KCNJ18: variants seen among roughly 807,000 people sequenced by gnomAD.
KCNJ18 encodes potassium inwardly rectifying channel subfamily J member 18, also known as inward rectifier potassium channel 18.
KCNJ18 carries 16 observed loss-of-function variants against 17.3 expected under a neutral mutation model. The ratio of observed to expected loss-of-function variants is 0.92; its 90% CI spans 0.62 to 1.40. The LOEUF (loss-of-function observed/expected upper bound fraction) is 1.40, where lower values mean the gene tolerates loss of function less well. KCNJ18 is among the 40% of genes most tolerant of loss of function. KCNJ18 has a pLI of 0.00. For missense variants in KCNJ18, 462 were observed against 626.8 expected, an observed-to-expected ratio of 0.74 and a Z score of 2.81; for synonymous variants, 185 against 262.6, an observed-to-expected ratio of 0.70 and a Z score of 2.86.
intron 1 of KCNJ18, among the ~76,000 whole-genome samples, chr17:21,693,172 G>T (rs1275717172): frequency 6.6e-6 from 1 of 152,302 alleles, no homozygotes; most frequent in African/African-American, 2.4e-5. Flanking sequence ...GGCTGCTGTG[G>T]CCCCTGCAGG....
chr17:21,695,473 C>A (rs1286023301), intron 1 of KCNJ18, among the ~76,000 whole-genome samples: 1 of 152,300 alleles, frequency 6.6e-6, no homozygotes, highest in African/African-American at 2.4e-5. Flanking sequence ...ATCCATCCAT[C>A]CATCCATCCA....
intron 2 of KCNJ18, among the ~76,000 whole-genome samples, chr17:21,696,875 A>T (rs1222696490): frequency 2.0e-5 from 3 of 152,176 alleles, no homozygotes; most frequent in Admixed American, 2.0e-4. Context: ...AAGGCCCAGG[A>T]GACAAAGGTT....
intron 2 of KCNJ18, among the ~76,000 whole-genome samples, chr17:21,701,469 G>A (rs1905947666): frequency 6.6e-6 from 1 of 152,232 alleles, no homozygotes; most frequent in South Asian, 2.1e-4. Context: ...CCATGTCTGG[G>A]TGCCAGATCT....
chr17:21,702,759 G>T lies in KCNJ18; in HGVS notation c.-28G>T. 6.4e-7 allele frequency: 1 copy of T among 1,557,616 alleles called. No individual in the cohort carries two copies. The highest frequency in any genetic ancestry group is 8.6e-7 in the Non-Finnish European group (1 of 1,159,452). On this transcript the variant is annotated 5_prime_UTR_variant, in exon 3 of 3. Transcript: ENST00000567955. ...CCGCCCTGCCTGGAGCTAGCCTGGG[G>T]GTGAGCCAGGGTCCCCCAACCCCCG...
intron 2 of KCNJ18, among the ~76,000 whole-genome samples, chr17:21,697,187 C>T (rs1267892715): frequency 2.0e-5 from 3 of 152,304 alleles, no homozygotes; most frequent in Non-Finnish European, 4.4e-5. Flanking sequence ...GACACTGGTT[C>T]GTGTAGGAAT....
chr17:21,696,663 G>A (rs1905767508), intron 2 of KCNJ18, among the ~76,000 whole-genome samples: 1 of 152,206 alleles, frequency 6.6e-6, no homozygotes, highest in African/African-American at 2.4e-5. Context: ...GGCCTGAATG[G>A]GAAAAGCCCA....
In KCNJ18 at chr17:21,703,649, T is replaced by G; in HGVS notation, c.863T>G (p.Leu288Arg). ...CTCTTCGGCATCAGCCGGCAGGACC[T>G]GGAGACGGACGACTTTGAGATCGTG... ...SPLFGISRQD[L>R]ETDDFEIVVI... Residue 288 changes from leucine to arginine, a missense_variant, in exon 3 of 3, where the codon CTG becomes CGG. Leu to Arg is a moderately radical substitution (Grantham distance 102). Transcript: ENST00000567955. The G allele has an allele frequency of 1.9e-6, 3 of 1,607,368 alleles. No individual in the cohort carries two copies. Among genetic ancestry groups the G allele is most frequent in the Non-Finnish European group, 2.6e-6 (3 of 1,175,538 alleles).
At chr17:21,701,555 G>C (rs1167398220) in intron 2 of KCNJ18, among the ~76,000 whole-genome samples, 2 of 152,192 alleles carry the variant, frequency 1.3e-5, no homozygotes, top group African/African-American at 2.4e-5. Flanking sequence ...GTGGGACCCA[G>C]CTTGGGGTGT....
chr17:21,702,734 C>T lies in KCNJ18; in HGVS notation c.-53C>T. 1.3e-6 allele frequency: 2 copies of T among 1,528,818 alleles called. No individual in the cohort carries two copies. The highest frequency in any genetic ancestry group is 1.2e-5 in the South Asian group (1 of 84,042). The allele number at this position is 1,528,818 out of a possible 1,614,324, so 94.7% of individuals were successfully genotyped here. A position where few individuals can be genotyped will look rare whatever the true frequency, so the allele number is the denominator to read the frequency against. ...CATGCTGTCCTCTCTGTTCCAGGAG[C>T]CGCCCTGCCTGGAGCTAGCCTGGGG... On this transcript the variant is annotated 5_prime_UTR_variant, in exon 3 of 3. Transcript: ENST00000567955.
At chr17:21,693,366 G>C (rs1184411673) in intron 1 of KCNJ18, among the ~76,000 whole-genome samples, 2 of 152,424 alleles carry the variant, frequency 1.3e-5, no homozygotes, top group Non-Finnish European at 2.9e-5. Flanking sequence ...TCTGGGGAAT[G>C]CCCCTTTCAG....
intron 2 of KCNJ18, 33 bp from the exon 3 acceptor site, chr17:21,702,698 G>C: frequency 6.9e-7 from 1 of 1,441,562 alleles, no homozygotes; most frequent in Non-Finnish European, 9.4e-7. Context: ...GGAGCCACCA[G>C]CCCAGCCAGA....
At chr17:21,696,351 A>G (rs1163300449) in intron 2 of KCNJ18, among the ~76,000 whole-genome samples, 1 of 149,312 alleles carries the variant, frequency 6.7e-6, no homozygotes, top group Non-Finnish European at 1.5e-5. Flanking sequence ...CCATCCACCC[A>G]TCCTTCCACC....
At position 21,704,174 on chromosome 17, in the gene KCNJ18, G is replaced by C. The variant is rs1357688879; in HGVS notation, c.*86G>C. 1.4e-6 allele frequency: 2 copies of C among 1,392,584 alleles called. No homozygotes were observed. Among genetic ancestry groups the C allele is most frequent in the Admixed American group, 2.8e-5 (1 of 35,102 alleles). The allele number at this position is 1,392,584 out of a possible 1,614,324, so 86.3% of individuals were successfully genotyped here. A position where few individuals can be genotyped will look rare whatever the true frequency, so the allele number is the denominator to read the frequency against. On this transcript the variant is annotated 3_prime_UTR_variant, in exon 3 of 3. Coordinates refer to ENST00000567955, the MANE Select transcript of KCNJ18 (RefSeq NM_001194958.2). Reference sequence around the variant, plus strand: ...AGGGGCCCTGGGTTTGAGCAGAACGGGCCCAGTGCCCTGGGTTGCAGACTC... The same window carrying C: ...AGGGGCCCTGGGTTTGAGCAGAACGCGCCCAGTGCCCTGGGTTGCAGACTC...
chr17:21,703,439 T>G lies in KCNJ18; in HGVS notation c.653T>G (p.Leu218Arg). 3 of 1,613,250 alleles carry G rather than the reference T, an allele frequency of 1.9e-6. No homozygotes were observed. The highest frequency in any genetic ancestry group is 2.5e-6 in the Non-Finnish European group (3 of 1,179,982). ...TGCCTCATGTGGCGTGTGGGCAACCTGCGCAAGAGCCACATTGTGGAGGCC... is the reference window on the plus strand; with the variant it reads ...TGCCTCATGTGGCGTGTGGGCAACCGGCGCAAGAGCCACATTGTGGAGGCC... Reference protein sequence around the residue: ...KLCLMWRVGNLRKSHIVEAHV... With the variant: ...KLCLMWRVGNRRKSHIVEAHV... The change falls in exon 3 of 3, where the codon CTG becomes CGG. Residue 218 changes from leucine to arginine, a missense_variant. This residue lies in a region of KCNJ18 where 27 missense variants were observed against 119.2 expected (regional missense o/e 0.23). Transcript: ENST00000567955.
intron 2 of KCNJ18, among the ~76,000 whole-genome samples, chr17:21,699,485 T>C (rs1350804403): frequency 0.013 from 2,017 of 152,206 alleles, 48 homozygotes; most frequent in African/African-American, 0.046. Context: ...TCTCTCTCTC[T>C]CTCTCTCACA....
At chr17:21,693,927 G>A (rs1392906327) in intron 1 of KCNJ18, among the ~76,000 whole-genome samples, 1 of 152,188 alleles carries the variant, frequency 6.6e-6, no homozygotes, top group African/African-American at 2.4e-5. Flanking sequence ...GATGAGGGAT[G>A]GGGAAGAAGG....
At chr17:21,701,070 G>A (rs1905932959) in intron 2 of KCNJ18, among the ~76,000 whole-genome samples, 1 of 151,910 alleles carries the variant, frequency 6.6e-6, no homozygotes, top group Admixed American at 6.6e-5. Context: ...GCCAAGGCAG[G>A]CTGCCATCCA....
chr17:21,697,814 A>G (rs1905811421), intron 2 of KCNJ18, among the ~76,000 whole-genome samples: 1 of 152,426 alleles, frequency 6.6e-6, no homozygotes, highest in Admixed American at 6.5e-5. Context: ...CCAGTGCTGC[A>G]TCTGATGAAT....
intron 2 of KCNJ18, among the ~76,000 whole-genome samples, chr17:21,699,462 C>T (rs1905866283): frequency 1.3e-5 from 2 of 152,108 alleles, no homozygotes; most frequent in South Asian, 4.1e-4. Flanking sequence ...GCTCCCAGCA[C>T]CCCTGGGGAG....
Sources: allele counts gnomAD v4.1 joint callset (sites outside exome capture counted in the v4.1 genomes callset), GRCh38; gene constraint gnomAD v4.1.1; regional missense constraint gnomAD v4.1.1; transcripts MANE v1.5; gene names NCBI Gene and HGNC (gene_info 2026-07-23, HGNC 2026-07-21).